Variants in ITPR1 observed in about 807,000 individuals in gnomAD.
ITPR1 encodes inositol 1,4,5-trisphosphate-gated calcium channel ITPR1.
Under a neutral mutation model 318.4 loss-of-function variants are expected in ITPR1, and 96 were observed. The observed-to-expected ratio is 0.30, with a 90% CI of 0.26 to 0.36. ITPR1 has a LOEUF of 0.36. Among genes scored for constraint, ITPR1 ranks in the 10% least tolerant of loss-of-function variants. The pLI, the probability that ITPR1 is intolerant of heterozygous loss-of-function variation, is 1.00. For missense variants in ITPR1, 2,440 were observed against 3,460.2 expected (o/e 0.71, Z 7.40); for synonymous variants, 1,312 against 1,289.9 (o/e 1.02, Z -0.37).
rs565304985 is a variant in ITPR1 at position 4,555,386 on chromosome 3, A to G, written c.163+34292A>G. Among the ~76,000 whole-genome samples the G allele has an allele frequency of 8.5e-5, 13 of 152,308 alleles. No individual in the cohort carries two copies. The East Asian group carries it at 1.7e-3, about 20-fold the overall frequency. ...TGTGTATCTTTCCAGGATGTTTCCT[A>G]TTCATTTGAAGGCATATAGGCGTAT... On this transcript the variant is annotated intron_variant, in intron 4 of 61. Coordinates refer to ENST00000649015, the MANE Select transcript of ITPR1 (RefSeq NM_001378452.1).
intron 36 of ITPR1, 39 bp from the exon 37 acceptor site, chr3:4,706,128 A>G (rs1489810243): frequency 6.2e-7 from 1 of 1,611,772 alleles, no homozygotes; most frequent in African/African-American, 1.3e-5. Context: ...TGTCCCCCAT[A>G]AAAGTTGTAG....
At chr3:4,825,345 G>A (rs1052714944) in intron 60 of ITPR1, among the ~76,000 whole-genome samples, 3 of 152,206 alleles carry the variant, frequency 2.0e-5, no homozygotes, top group African/African-American at 7.2e-5. Flanking sequence ...GGCAGCAAGT[G>A]GGATGCTCTC....
intron 49 of ITPR1, 146 bp from the exon 50 acceptor site, chr3:4,782,473 T>C: frequency 1.5e-6 from 1 of 684,748 alleles, no homozygotes; most frequent in Non-Finnish European, 2.3e-6. Context: ...CATGAAGGAT[T>C]CTGAGGCTGT....
At chr3:4,807,029 G>A (rs2048597507) in intron 55 of ITPR1, among the ~76,000 whole-genome samples, 1 of 151,010 alleles carries the variant, frequency 6.6e-6, no homozygotes, top group Admixed American at 6.6e-5. Flanking sequence ...ATATTTGTGA[G>A]GACAAAAATG....
intron 4 of ITPR1, among the ~76,000 whole-genome samples, chr3:4,575,132 A>G (rs187953759): frequency 2.3e-4 from 35 of 152,362 alleles, no homozygotes; most frequent in Admixed American, 1.8e-3. Flanking sequence ...CAAACCAACC[A>G]TAGTTTCTAC....
chr3:4,519,468 G>A (rs1034655849), intron 3 of ITPR1, among the ~76,000 whole-genome samples: 3 of 152,168 alleles, frequency 2.0e-5, no homozygotes, highest in East Asian at 3.9e-4. Flanking sequence ...CTCGTGATCC[G>A]CCTGTCTCGG....
At chr3:4,532,144 T>C (rs918145017) in intron 4 of ITPR1, among the ~76,000 whole-genome samples, 4 of 152,152 alleles carry the variant, frequency 2.6e-5, no homozygotes, top group African/African-American at 9.7e-5. Context: ...CCTATTGCAT[T>C]AACTGTGAGG....
intron 29 of ITPR1, 41 bp downstream of exon 29, chr3:4,684,387 A>G (rs1324978462): frequency 5.7e-6 from 8 of 1,410,682 alleles, no homozygotes; most frequent in South Asian, 1.2e-5. Flanking sequence ...TTCTTTATGA[A>G]TTCTCTAAGG....
chr3:4,724,593 CTT>C (rs1421854528), intron 40 of ITPR1: 1 of 152,250 alleles, frequency 6.6e-6, no homozygotes, highest in Non-Finnish European at 1.5e-5. Context: ...TGGTGTGTGA[CTT>C]TGGTCCCGAG....
intron 11 of ITPR1, among the ~76,000 whole-genome samples, chr3:4,653,565 T>C (rs2093642350): frequency 6.6e-6 from 1 of 152,220 alleles, no homozygotes; most frequent in Non-Finnish European, 1.5e-5. Context: ...GATCTTTTAT[T>C]CATCTCAGGC....
rs368708114 is a variant in ITPR1, at chr3:4,507,665, A to C, written c.-16-8811A>C. 1.4e-3 allele frequency among the ~76,000 whole-genome samples: 219 copies of C among 152,346 alleles called. 5 individuals carry two copies. In the South Asian group the frequency reaches 0.044, roughly 31 times the overall value. ...CAGTGGGATGGGTCATTAAAAAATTATAAAGCATAGGTTCCTCTCTGTGTC... is the reference window on the plus strand; with the variant it reads ...CAGTGGGATGGGTCATTAAAAAATTCTAAAGCATAGGTTCCTCTCTGTGTC... On this transcript the variant is annotated intron_variant, in intron 2 of 61. Transcript: ENST00000649015.
chr3:4,764,127 C>G (rs907788837), intron 44 of ITPR1, among the ~76,000 whole-genome samples: 1 of 152,226 alleles, frequency 6.6e-6, no homozygotes, highest in African/African-American at 2.4e-5. Flanking sequence ...GTGAGAAATT[C>G]AGTCACCATA....
At chr3:4,556,607 A>G (rs1013916863) in intron 4 of ITPR1, among the ~76,000 whole-genome samples, 1 of 151,606 alleles carries the variant, frequency 6.6e-6, no homozygotes, top group Non-Finnish European at 1.5e-5. Flanking sequence ...CAGTATGTGC[A>G]TTTAAATTTC....
At chr3:4,796,368 C>A (rs2047899506) in intron 53 of ITPR1, among the ~76,000 whole-genome samples, 1 of 151,890 alleles carries the variant, frequency 6.6e-6, no homozygotes, top group South Asian at 2.1e-4. Flanking sequence ...TTGACTAGAA[C>A]CCAGAGCTGC....
At position 4,566,703 on chromosome 3, in the gene ITPR1, A is replaced by AGAT. The variant is rs1422211599; in HGVS notation, c.163+45610_163+45612dup. 2.6e-5 allele frequency among the ~76,000 whole-genome samples: 4 copies of AGAT among 151,986 alleles called. No homozygotes were observed. In the East Asian group the frequency reaches 7.7e-4, roughly 29 times the overall value. On this transcript the variant is annotated intron_variant, in intron 4 of 61. Coordinates refer to ENST00000649015, the MANE Select transcript of ITPR1 (RefSeq NM_001378452.1). ...GTTCCTAACCTCCTGAATGCAATGC[A>AGAT]GATTCTTTCCTCCACCTTCCCTTCA...
At chr3:4,651,792 G>A (rs2093604748) in intron 10 of ITPR1, among the ~76,000 whole-genome samples, 1 of 152,186 alleles carries the variant, frequency 6.6e-6, no homozygotes, top group South Asian at 2.1e-4. Context: ...AGTTCTCCAC[G>A]AAAGTCCTTT....
chr3:4,691,226 A>T lies in ITPR1; in HGVS notation c.3911A>T (p.His1304Leu). 1 of 1,613,028 alleles carries T rather than the reference A, an allele frequency of 6.2e-7. No individual in the cohort carries two copies. The highest frequency in any genetic ancestry group is 8.5e-7 in the Non-Finnish European group (1 of 1,179,172). ...CSEINERVVQ[H>L]FVHCIETHGR... ...GAGATCAACGAGAGAGTTGTTCAGC[A>T]CTTCGTTCACTGCATAGAGACTCAC... Residue 1304 changes from histidine to leucine, a missense_variant, in exon 32 of 62, where the codon CAC becomes CTC. Physicochemically the swap from His to Leu is moderately conservative, Grantham distance 99. Coordinates refer to ENST00000649015, the MANE Select transcript of ITPR1 (RefSeq NM_001378452.1).
chr3:4,514,325 T>C (rs1411117475), intron 2 of ITPR1, among the ~76,000 whole-genome samples: 2 of 152,222 alleles, frequency 1.3e-5, no homozygotes, highest in Non-Finnish European at 2.9e-5. Flanking sequence ...TGCCAGCTAT[T>C]ATTATCAGAA....
At chr3:4,765,565 G>A (rs560976286) in intron 44 of ITPR1, among the ~76,000 whole-genome samples, 2 of 152,240 alleles carry the variant, frequency 1.3e-5, no homozygotes, top group Admixed American at 6.5e-5. Flanking sequence ...TGGAAGCCTA[G>A]GACTGCCTTC....
Sources: gnomAD v4.1 joint callset for allele counts (sites outside exome capture counted in the v4.1 genomes callset) on GRCh38, gnomAD v4.1.1 for gene constraint, MANE v1.5 for transcripts, NCBI Gene and HGNC (gene_info 2026-07-23, HGNC 2026-07-21) for gene names.